PITPNM3: variants seen among roughly 807,000 people sequenced by gnomAD.
PITPNM3 encodes membrane-associated phosphatidylinositol transfer protein 3.
PITPNM3 carries 26 observed loss-of-function variants against 102.0 expected under a neutral mutation model. The observed-to-expected ratio is 0.25, with a 90% CI of 0.19 to 0.35. The LOEUF is 0.35. Among genes scored for constraint, PITPNM3 ranks in the 10% least tolerant of loss-of-function variants. The pLI is 1.00. For synonymous variants in PITPNM3, 578 were observed against 558.6 expected (o/e 1.03, Z -0.49); for missense variants, 1,083 against 1,346.1 (o/e 0.80, Z 3.06).
chr17:6,494,008 C>T (rs1325787563), intron 4 of PITPNM3, among the ~76,000 whole-genome samples: 1 of 152,228 alleles, frequency 6.6e-6, no homozygotes. Context: ...ATCCCAAACC[C>T]TGGTGTTCCC....
At chr17:6,538,159 G>T in intron 1 of PITPNM3, 77 bp from the exon 2 acceptor site, 1 of 1,066,516 alleles carries the variant, frequency 9.4e-7, no homozygotes, top group South Asian at 1.3e-5. Flanking sequence ...AGACCCCCCT[G>T]GACTAAAGGC....
In PITPNM3 at chr17:6,455,719, A is replaced by ATGG. The variant is rs1914076990; in HGVS notation, c.2620-77_2620-76insCCA. The ATGG allele has an allele frequency of 1.5e-4, 3 of 19,774 alleles. 1 individual carries two copies. Among genetic ancestry groups the ATGG allele is most frequent in the Non-Finnish European group, 2.7e-4 (3 of 11,262 alleles). The allele number at this position is 19,774 out of a possible 1,614,324, so 1.2% of individuals were successfully genotyped here. Reference sequence around the variant, plus strand: ...GGGGGAAGAAGGGAGGGGAGGGGGAAGAGGGGAGGGGAGGGGAGGGGAGGG... The same window carrying ATGG: ...GGGGGAAGAAGGGAGGGGAGGGGGAATGGGAGGGGAGGGGAGGGGAGGGGAGGG... On this transcript the variant is annotated intron_variant, in intron 19 of 19. Coordinates refer to ENST00000262483, the MANE Select transcript of PITPNM3 (RefSeq NM_031220.4).
chr17:6,543,996 A>G (rs891203816), intron 1 of PITPNM3, among the ~76,000 whole-genome samples: 2 of 152,200 alleles, frequency 1.3e-5, no homozygotes, highest in Non-Finnish European at 2.9e-5. Context: ...AGGAGGGCAC[A>G]TGGGTGTCTG....
chr17:6,539,639 T>C (rs1371930309), intron 1 of PITPNM3, among the ~76,000 whole-genome samples: 1 of 152,210 alleles, frequency 6.6e-6, no homozygotes, highest in Non-Finnish European at 1.5e-5. Context: ...CAAATGTATA[T>C]AAAAATTTCT....
At position 6,469,475 on chromosome 17, in the gene PITPNM3, C is replaced by G. The variant is rs995506098; in HGVS notation, c.1773+785G>C. Among the ~76,000 whole-genome samples, 1 of 152,048 alleles carries G rather than the reference C, an allele frequency of 6.6e-6. No individual in the cohort carries two copies. On this transcript the variant is annotated intron_variant, in intron 13 of 19. Transcript: ENST00000262483. This position sits in a 1 kb window ranked among gnomAD's most constrained non-coding sequence, Gnocchi z 4.0. ...CGCCCCCTGCCCAGCCCTGCTCTTC[C>G]GCACGTGCAGGACACAGAACCACCT...
chr17:6,515,464 T>C (rs916989651), intron 3 of PITPNM3, among the ~76,000 whole-genome samples: 1 of 151,442 alleles, frequency 6.6e-6, no homozygotes, highest in African/African-American at 2.4e-5. Context: ...ATGGTGATAG[T>C]TGCATCCCTT....
At chr17:6,539,229 C>T (rs1909608396) in intron 1 of PITPNM3, among the ~76,000 whole-genome samples, 1 of 152,168 alleles carries the variant, frequency 6.6e-6, no homozygotes, top group Admixed American at 6.5e-5. Flanking sequence ...CCAGTGTGAG[C>T]TGACGTTCCA....
At chr17:6,536,821 G>A (rs946666094) in intron 2 of PITPNM3, among the ~76,000 whole-genome samples, 1 of 152,184 alleles carries the variant, frequency 6.6e-6, no homozygotes, top group Admixed American at 6.5e-5. Flanking sequence ...TCAGGAGTAA[G>A]TCAACACCCT....
intron 5 of PITPNM3, 82 bp downstream of exon 5, chr17:6,484,134 C>G: frequency 7.0e-7 from 1 of 1,438,742 alleles, no homozygotes. Context: ...TGGAAGAAAA[C>G]GAGGCCGCCT....
At position 6,478,225 on chromosome 17, in the gene PITPNM3, C is replaced by A; in HGVS notation, c.778-128G>T. ...CGTCCTTGGGAGGTGTTGAGAGAGC[C>A]CAACTGGGAAGCAGTGTGCAAACTG... On this transcript the variant is annotated intron_variant, in intron 7 of 19. Coordinates refer to ENST00000262483, the MANE Select transcript of PITPNM3 (RefSeq NM_031220.4). This position sits in a 1 kb window ranked among gnomAD's most constrained non-coding sequence, Gnocchi z 4.4. The A allele has an allele frequency of 6.8e-7, 1 of 1,478,564 alleles. No homozygotes were observed. The highest frequency in any genetic ancestry group is 9.2e-7 in the Non-Finnish European group (1 of 1,092,738). The allele number at this position is 1,478,564 out of a possible 1,614,324, so 91.6% of individuals were successfully genotyped here.
intron 1 of PITPNM3, among the ~76,000 whole-genome samples, chr17:6,547,220 A>G (rs1910071960): frequency 6.6e-6 from 1 of 152,178 alleles, no homozygotes; most frequent in Non-Finnish European, 1.5e-5. Context: ...GGAGTCTCCA[A>G]GCAGGGCACA....
chr17:6,504,101 ATG>A (rs1222302227), intron 3 of PITPNM3, among the ~76,000 whole-genome samples: 1 of 151,962 alleles, frequency 6.6e-6, no homozygotes, highest in Non-Finnish European at 1.5e-5. Flanking sequence ...CCCTCCCAAA[ATG>A]TGTCTGTGGC....
chr17:6,534,507 G>A (rs146637916), intron 2 of PITPNM3, among the ~76,000 whole-genome samples: 15 of 152,298 alleles, frequency 9.8e-5, no homozygotes, highest in Non-Finnish European at 1.6e-4. Flanking sequence ...GAGGGAGGAC[G>A]GTCCTAATCG....
Position 6,455,600 on chromosome 17 carries a change from G to A in PITPNM3, c.2663C>T (p.Ala888Val). 6.3e-7 allele frequency: 1 copy of A among 1,592,536 alleles called. No individual in the cohort carries two copies. Among genetic ancestry groups the A allele is most frequent in the Non-Finnish European group, 8.5e-7 (1 of 1,177,864 alleles). The change falls in exon 20 of 20, where the codon GCC (alanine) becomes GTC (valine). Residue 888 changes from alanine (A) to valine (V), a missense_variant. This residue lies in a region of PITPNM3 where 208 missense variants were observed against 178.2 expected (regional missense o/e 1.17). Transcript: ENST00000262483. ...GYAAHLAALE[A>V]SHRSRPKKNN... ...CTTCTTTGGGCGTGAGCGGTGGCTG[G>A]CCTCCAGCGCGGCCAGGTGTGCGGC...
chr17:6,526,106 T>C (rs1908820805), intron 2 of PITPNM3, among the ~76,000 whole-genome samples: 2 of 152,200 alleles, frequency 1.3e-5, no homozygotes, highest in Admixed American at 1.3e-4. Flanking sequence ...TTAGCCCCCA[T>C]CTGAACTTTA....
intron 1 of PITPNM3, among the ~76,000 whole-genome samples, chr17:6,544,478 G>GCCCT (rs1294061902): frequency 6.6e-6 from 1 of 152,110 alleles, no homozygotes; most frequent in Non-Finnish European, 1.5e-5. Flanking sequence ...GCTGCATTGA[G>GCCCT]CCATGATCAT....
At chr17:6,509,992 A>T (rs1597393131) in intron 3 of PITPNM3, among the ~76,000 whole-genome samples, 1 of 129,230 alleles carries the variant, frequency 7.7e-6, no homozygotes, top group Non-Finnish European at 1.6e-5. Flanking sequence ...TCCACACCTC[A>T]CCCCCAGCCC....
At position 6,477,964 on chromosome 17, in the gene PITPNM3, C is replaced by T. The variant is rs1905411224; in HGVS notation, c.900+11G>A. On this transcript the variant is annotated intron_variant, in intron 8 of 19. Coordinates refer to ENST00000262483, the MANE Select transcript of PITPNM3 (RefSeq NM_031220.4). ...GCATACCCCTCCCGCGGTCCTGTCC[C>T]CCGGCTGTACCTGGGTGCTGCTGAT... 5 of 1,611,880 alleles carry T rather than the reference C, an allele frequency of 3.1e-6. No individual in the cohort carries two copies. The highest frequency in any genetic ancestry group is 4.2e-6 in the Non-Finnish European group (5 of 1,179,980).
In PITPNM3 at chr17:6,469,247, C is replaced by T. The variant is rs1904938626; in HGVS notation, c.1774-906G>A. On this transcript the variant is annotated intron_variant, in intron 13 of 19. Coordinates refer to ENST00000262483, the MANE Select transcript of PITPNM3 (RefSeq NM_031220.4). The surrounding 1 kb of genome is among the most constrained non-coding windows in gnomAD (Gnocchi z 4.0). ...GGAATCCTGATGTCTTCTCTAAGTT[C>T]CAGACTCCTCTACTCCCCTTCCGTC... 1.3e-5 allele frequency among the ~76,000 whole-genome samples: 2 copies of T among 152,154 alleles called. No homozygotes were observed. The highest frequency in any genetic ancestry group is 2.9e-5 in the Non-Finnish European group (2 of 68,024).
Sources: allele counts gnomAD v4.1 joint callset (sites outside exome capture counted in the v4.1 genomes callset), GRCh38; gene constraint gnomAD v4.1.1; regional missense constraint gnomAD v4.1.1; non-coding constraint Gnocchi (gnomAD v3.1); transcripts MANE v1.5; gene names NCBI Gene and HGNC (gene_info 2026-07-23, HGNC 2026-07-21).